ACOT7: variants seen among roughly 807,000 people sequenced by gnomAD.
ACOT7 encodes the protein cytosolic acyl coenzyme A thioester hydrolase.
Under a neutral mutation model 40.2 loss-of-function variants are expected in ACOT7, and 12 were observed. The ratio of observed to expected loss-of-function variants is 0.30; its 90% CI spans 0.19 to 0.48. The LOEUF (loss-of-function observed/expected upper bound fraction) is 0.48, where lower values mean the gene tolerates loss of function less well. Ranked by LOEUF, ACOT7 falls within the 20% of genes least tolerant of loss-of-function variation. The pLI, the probability that ACOT7 is intolerant of heterozygous loss-of-function variation, is 0.99. For synonymous variants in ACOT7, 228 were observed against 219.5 expected (o/e 1.04, Z -0.34); for missense variants, 395 against 530.8 (o/e 0.74, Z 2.51).
intron 6 of ACOT7, among the ~76,000 whole-genome samples, chr1:6,295,842 T>C (rs142931801): frequency 2.0e-5 from 3 of 151,772 alleles, no homozygotes; most frequent in East Asian, 3.9e-4. Flanking sequence ...GGTCTCAAAT[T>C]GACGGCAATA....
intron 7 of ACOT7, among the ~76,000 whole-genome samples, chr1:6,286,122 C>G (rs368146367): frequency 1.3e-5 from 2 of 152,326 alleles, no homozygotes; most frequent in South Asian, 2.1e-4. Flanking sequence ...AATCAGCCCA[C>G]GAGCGGAGGT....
At position 6,268,950 on chromosome 1, in the gene ACOT7, G is replaced by A. The variant is rs568909086; in HGVS notation, c.1015-4255C>T. Among the ~76,000 whole-genome samples, 5 of 152,346 alleles carry A rather than the reference G, an allele frequency of 3.3e-5. No individual in the cohort carries two copies. The East Asian group carries it at 7.7e-4, about 24-fold the overall frequency. On this transcript the variant is annotated intron_variant, in intron 8 of 8. Coordinates refer to ENST00000361521, the MANE Select transcript of ACOT7 (RefSeq NM_007274.4). The stretch of plus-strand genomic sequence containing the variant: ...TGGGTCTGCAGAAGGCACTGCAGAC[G>A]AGAGCCCTCCCACCCCTTTGCCCCC...
chr1:6,300,560 C>T (rs572422400), intron 6 of ACOT7, among the ~76,000 whole-genome samples: 14 of 150,750 alleles, frequency 9.3e-5, no homozygotes, highest in South Asian at 2.1e-4. Flanking sequence ...GGACCCCACC[C>T]GATCCTGATG....
At chr1:6,368,387 G>A (rs186845439) in intron 1 of ACOT7, among the ~76,000 whole-genome samples, 50 of 152,252 alleles carry the variant, frequency 3.3e-4, no homozygotes, top group South Asian at 1.0e-3. Context: ...AGTGAATGCC[G>A]CTCCCACTTC....
In ACOT7 at chr1:6,296,228, G is replaced by C. The variant is rs115125432; in HGVS notation, c.713-1248C>G. Among the ~76,000 whole-genome samples the C allele has an allele frequency of 6.3e-3, 953 of 152,224 alleles. 13 individuals are homozygous for C. The highest frequency in any genetic ancestry group is 0.021 in the African/African-American group (852 of 41,524). ...AAATAGGTGAAATGTGTGGTATGTGGATCATCGTCAGTACAGCTGTTATAT... is the reference window on the plus strand; with the variant it reads ...AAATAGGTGAAATGTGTGGTATGTGCATCATCGTCAGTACAGCTGTTATAT... On this transcript the variant is annotated intron_variant, in intron 6 of 8. Transcript: ENST00000361521.
At chr1:6,322,190 C>T (rs1437020130) in intron 5 of ACOT7, among the ~76,000 whole-genome samples, 2 of 150,998 alleles carry the variant, frequency 1.3e-5, no homozygotes, top group South Asian at 2.1e-4. Context: ...CGACCCTGCA[C>T]GCCAGCTCCC....
Position 6,363,417 on chromosome 1 carries a change from GAC to G in ACOT7, c.144-13553_144-13552del, listed in dbSNP as rs554104728. ...CTCCTCCACCTCTTGTGGAGGGCCT[GAC>G]ATCAGTCAGGCCTGCCCGCAGTTAT... On this transcript the variant is annotated intron_variant, in intron 1 of 8. Coordinates refer to ENST00000361521, the MANE Select transcript of ACOT7 (RefSeq NM_007274.4). Among the ~76,000 whole-genome samples the G allele has an allele frequency of 1.9e-3, 290 of 152,260 alleles. 1 individual carries two copies. The highest frequency in any genetic ancestry group is 6.6e-3 in the African/African-American group (275 of 41,562).
At chr1:6,362,866 A>G (rs970435718) in intron 1 of ACOT7, among the ~76,000 whole-genome samples, 3 of 152,150 alleles carry the variant, frequency 2.0e-5, no homozygotes, top group African/African-American at 7.2e-5. Flanking sequence ...TCTAGGCAAC[A>G]TGGTGAGACC....
intron 2 of ACOT7, among the ~76,000 whole-genome samples, chr1:6,340,120 C>T (rs1015233727): frequency 1.1e-4 from 16 of 152,228 alleles, no homozygotes; most frequent in African/African-American, 3.1e-4. Context: ...CGCCCGCCAC[C>T]ATGCCCGGCT....
intron 1 of ACOT7, among the ~76,000 whole-genome samples, chr1:6,350,127 T>A (rs1285083540): frequency 6.6e-6 from 1 of 152,184 alleles, no homozygotes; most frequent in Admixed American, 6.5e-5. Context: ...TGAAGCCACA[T>A]GTCCCTGGAC....
Position 6,360,860 on chromosome 1 carries a change from G to A in ACOT7, c.144-10994C>T, listed in dbSNP as rs997385801. On this transcript the variant is annotated intron_variant, in intron 1 of 8. Coordinates refer to ENST00000361521, the MANE Select transcript of ACOT7 (RefSeq NM_007274.4). ...ACCCCAAATCAGTGAGGACCTACCA[G>A]GCTTCCACAGCAACACAGATTCAAG... The A allele has an allele frequency of 3.5e-6, 2 of 578,928 alleles. 1 individual carries two copies. The highest frequency in any genetic ancestry group is 4.0e-5 in the African/African-American group (2 of 49,502). 35.9% of individuals were successfully genotyped at this position (578,928 alleles called of 1,614,324 possible).
Position 6,275,623 on chromosome 1 carries a change from A to C in ACOT7, c.1014+5479T>G, listed in dbSNP as rs4908545. Among the ~76,000 whole-genome samples the C allele has an allele frequency of 0.082, 12,363 of 150,148 alleles. 598 individuals carry two copies. The highest frequency in any genetic ancestry group is 0.11 in the Non-Finnish European group (7,653 of 67,676). ...TCCCAGCTACTCGGGAGGCTGAGGC[A>C]GGAGAATCGTTTGAACCCGGGAGGC... On this transcript the variant is annotated intron_variant, in intron 8 of 8. Transcript: ENST00000361521. The surrounding 1 kb of genome is among the most constrained non-coding windows in gnomAD (Gnocchi z 5.6).
rs1485960966 is a variant in ACOT7 at position 6,265,208 on chromosome 1, CCGCAGAGAAGTGGGGAAAGCCAGCTG to C, written c.1015-539_1015-514del. Among the ~76,000 whole-genome samples, 67 of 151,930 alleles carry C rather than the reference CCGCAGAGAAGTGGGGAAAGCCAGCTG, an allele frequency of 4.4e-4. 1 individual carries two copies. The highest frequency in any genetic ancestry group is 1.2e-3 in the African/African-American group (51 of 41,282). On this transcript the variant is annotated intron_variant, in intron 8 of 8. Coordinates refer to ENST00000361521, the MANE Select transcript of ACOT7 (RefSeq NM_007274.4). ...AGGAAAGCTGCACACAGTCACCACC[CCGCAGAGAAGTGGGGAAAGCCAGCTG>C]CACACGGTCACTGCCCCAGAGAGAC...
chr1:6,341,485 G>A (rs1641275636), intron 2 of ACOT7, among the ~76,000 whole-genome samples: 1 of 147,906 alleles, frequency 6.8e-6, no homozygotes, highest in African/African-American at 2.5e-5. Context: ...GCTCACGCCT[G>A]TAATCCCAGC....
intron 1 of ACOT7, among the ~76,000 whole-genome samples, chr1:6,388,190 G>T (rs1642471659): frequency 3.3e-5 from 5 of 151,364 alleles, no homozygotes; most frequent in African/African-American, 4.9e-5. Flanking sequence ...CTCACTGCAA[G>T]CTCCGCCTCC....
Position 6,311,113 on chromosome 1 carries a change from T to C in ACOT7, c.712+7379A>G, listed in dbSNP as rs1640318095. 6.6e-6 allele frequency among the ~76,000 whole-genome samples: 1 copy of C among 152,198 alleles called. No individual in the cohort carries two copies. Among genetic ancestry groups the C allele is most frequent in the South Asian group, 2.1e-4 (1 of 4,822 alleles). ...GTTTAGGAAACTCTATTGTGGCCCCTCTTCCCTGCCACATGCTCCATCCTG... is the reference window on the plus strand; with the variant it reads ...GTTTAGGAAACTCTATTGTGGCCCCCCTTCCCTGCCACATGCTCCATCCTG... On this transcript the variant is annotated intron_variant, in intron 6 of 8. Coordinates refer to ENST00000361521, the MANE Select transcript of ACOT7 (RefSeq NM_007274.4). The surrounding 1 kb of genome is among the most constrained non-coding windows in gnomAD (Gnocchi z 5.2).
chr1:6,284,394 T>C (rs1484578479), intron 7 of ACOT7, among the ~76,000 whole-genome samples: 1 of 151,866 alleles, frequency 6.6e-6, no homozygotes, highest in Non-Finnish European at 1.5e-5. Flanking sequence ...CTGACCAACA[T>C]GGTGAAACCC....
intron 8 of ACOT7, among the ~76,000 whole-genome samples, chr1:6,266,859 G>C (rs554446996): frequency 6.6e-6 from 1 of 152,254 alleles, no homozygotes; most frequent in Non-Finnish European, 1.5e-5. Flanking sequence ...AGAGCTGGGC[G>C]ACAAGGCAAC....
intron 5 of ACOT7, among the ~76,000 whole-genome samples, chr1:6,321,899 G>A (rs971861232): frequency 2.8e-4 from 42 of 152,194 alleles, no homozygotes; most frequent in Admixed American, 2.6e-3. Flanking sequence ...CCAATTTCTG[G>A]CCTTCTCTCA....
Sources: allele counts gnomAD v4.1 joint callset (sites outside exome capture counted in the v4.1 genomes callset), GRCh38; gene constraint gnomAD v4.1.1; non-coding constraint Gnocchi (gnomAD v3.1); transcripts MANE v1.5; gene names NCBI Gene and HGNC (gene_info 2026-07-23, HGNC 2026-07-21).